The following FNDC3A variants were observed in gnomAD, a reference collection of about 807,000 sequenced individuals.
The protein encoded by FNDC3A is fibronectin type III domain containing 3A.
Under a neutral mutation model 148.9 loss-of-function variants are expected in FNDC3A, and 32 were observed. The observed-to-expected ratio is 0.21, with a 90% CI of 0.16 to 0.29. The LOEUF is 0.29. Ranked by LOEUF, FNDC3A falls within the 10% of genes least tolerant of loss-of-function variation. FNDC3A has a pLI of 1.00. For missense variants in FNDC3A, 1,191 were observed against 1,452.8 expected (o/e 0.82, Z 2.93); for synonymous variants, 472 against 473.6 (o/e 1.00, Z 0.04).
intron 2 of FNDC3A, among the ~76,000 whole-genome samples, chr13:49,023,826 T>C (rs909116574): frequency 1.3e-5 from 2 of 151,932 alleles, no homozygotes; most frequent in African/African-American, 4.8e-5. Flanking sequence ...TAGATTAATA[T>C]AAAGCAAGAT....
At chr13:49,143,820 C>T (rs1475909284) in intron 7 of FNDC3A, among the ~76,000 whole-genome samples, 1 of 151,980 alleles carries the variant, frequency 6.6e-6, no homozygotes, top group Non-Finnish European at 1.5e-5. Flanking sequence ...TGTCTGTACT[C>T]CCCACAGATC....
At chr13:49,077,355 GA>G (rs1175123624) in intron 3 of FNDC3A, among the ~76,000 whole-genome samples, 1 of 152,214 alleles carries the variant, frequency 6.6e-6, no homozygotes, top group Non-Finnish European at 1.5e-5. Flanking sequence ...TACAGTGAAA[GA>G]ACTCTAACAC....
intron 2 of FNDC3A, chr13:49,045,070 C>A: frequency 5.1e-6 from 1 of 195,736 alleles, no homozygotes; most frequent in Non-Finnish European, 1.1e-5. Context: ...CTTTTCCTTT[C>A]CCTTTCCCTT....
intron 3 of FNDC3A, among the ~76,000 whole-genome samples, chr13:49,088,851 G>A (rs1878991786): frequency 1.3e-5 from 2 of 152,150 alleles, no homozygotes; most frequent in South Asian, 2.1e-4. Context: ...CAGGCATGAG[G>A]CACTGCACAC....
At chr13:49,016,327 C>T (rs1872774720) in intron 2 of FNDC3A, among the ~76,000 whole-genome samples, 1 of 151,970 alleles carries the variant, frequency 6.6e-6, no homozygotes, top group Non-Finnish European at 1.5e-5. Context: ...CTGGTTTAGT[C>T]TTGGGAGAGT....
At chr13:49,051,729 C>T (rs1252705986) in intron 2 of FNDC3A, among the ~76,000 whole-genome samples, 1 of 152,198 alleles carries the variant, frequency 6.6e-6, no homozygotes, top group Non-Finnish European at 1.5e-5. Context: ...TCTAGCAAGG[C>T]TGGAGAAGTT....
chr13:49,095,814 G>A (rs1471813578), intron 3 of FNDC3A, among the ~76,000 whole-genome samples: 1 of 152,032 alleles, frequency 6.6e-6, no homozygotes, highest in Non-Finnish European at 1.5e-5. Context: ...ATGAGGCTAG[G>A]ATGTCCAGAG....
intron 1 of FNDC3A, among the ~76,000 whole-genome samples, chr13:48,997,456 A>C (rs1330116835): frequency 1.3e-5 from 2 of 152,216 alleles, no homozygotes; most frequent in Admixed American, 6.5e-5. Context: ...CTCAAAATTC[A>C]TACATTGAGC....
chr13:49,001,985 G>C (rs1952134092), intron 1 of FNDC3A, among the ~76,000 whole-genome samples: 1 of 152,110 alleles, frequency 6.6e-6, no homozygotes, highest in African/African-American at 2.4e-5. Flanking sequence ...TGGTTTTGCG[G>C]CTTGGGGGCA....
At chr13:49,108,418 C>T (rs896107205) in intron 3 of FNDC3A, among the ~76,000 whole-genome samples, 1 of 152,102 alleles carries the variant, frequency 6.6e-6, no homozygotes, top group Non-Finnish European at 1.5e-5. Flanking sequence ...TATCTGCAGA[C>T]TACCAACACT....
chr13:49,107,792 T>C (rs1880293846), intron 3 of FNDC3A, among the ~76,000 whole-genome samples: 1 of 152,200 alleles, frequency 6.6e-6, no homozygotes, highest in African/African-American at 2.4e-5. Flanking sequence ...GAAAGATTCA[T>C]GAAAGGATTC....
intron 2 of FNDC3A, among the ~76,000 whole-genome samples, chr13:49,066,392 AC>A (rs1250258624): frequency 6.6e-6 from 1 of 152,148 alleles, no homozygotes; most frequent in Non-Finnish European, 1.5e-5. Flanking sequence ...TTGCTAGATA[AC>A]CTAAAGAGTA....
chr13:48,981,480 C>A (rs919834159), intron 1 of FNDC3A, among the ~76,000 whole-genome samples: 2 of 142,854 alleles, frequency 1.4e-5, no homozygotes, highest in African/African-American at 5.1e-5. Context: ...GCAATGCAGC[C>A]TTTTTTTTTT....
intron 3 of FNDC3A, among the ~76,000 whole-genome samples, chr13:49,101,833 A>C (rs940537411): frequency 6.8e-6 from 1 of 147,438 alleles, no homozygotes; most frequent in Non-Finnish European, 1.5e-5. Flanking sequence ...AATCATTGGA[A>C]TCATGTTGTA....
chr13:49,197,764 C>A lies in FNDC3A; in HGVS notation c.2380C>A (p.Leu794Met). 6.2e-7 allele frequency: 1 copy of A among 1,611,258 alleles called. No homozygotes were observed. Among genetic ancestry groups the A allele is most frequent in the Non-Finnish European group, 8.5e-7 (1 of 1,179,304 alleles). ...TGGAACAGATGTCACTGAATATCGA[C>A]TGGAGTGGGGAGGAGTTGAAGGAAG... ...SNGTDVTEYR[L>M]EWGGVEGSMQ... is the part of the protein sequence containing the mutation. Residue 794 changes from leucine to methionine, a missense_variant, in exon 21 of 26, where the codon CTG becomes ATG. Transcript: ENST00000492622.
At chr13:49,200,883 G>C (rs942696667) in intron 23 of FNDC3A, among the ~76,000 whole-genome samples, 1 of 151,242 alleles carries the variant, frequency 6.6e-6, no homozygotes, top group Non-Finnish European at 1.5e-5. Context: ...TGATACTTTA[G>C]TTGTTCCCTG....
At chr13:49,144,324 TA>T (rs1882870936) in intron 7 of FNDC3A, among the ~76,000 whole-genome samples, 1 of 152,176 alleles carries the variant, frequency 6.6e-6, no homozygotes, top group South Asian at 2.1e-4. Context: ...TTAGAGTGAA[TA>T]CAGTATTACA....
intron 1 of FNDC3A, among the ~76,000 whole-genome samples, chr13:48,990,323 A>G (rs2137564661): frequency 6.6e-6 from 1 of 152,206 alleles, no homozygotes; most frequent in African/African-American, 2.4e-5. Context: ...AGCAGAAGGA[A>G]AATTAAACCA....
intron 4 of FNDC3A, among the ~76,000 whole-genome samples, chr13:49,118,859 G>A (rs1881141522): frequency 1.3e-5 from 2 of 152,188 alleles, no homozygotes. Context: ...CCCCAGTCAG[G>A]GGCTTATAGA....
Sources: gnomAD v4.1 joint callset for allele counts (sites outside exome capture counted in the v4.1 genomes callset) on GRCh38, gnomAD v4.1.1 for gene constraint, MANE v1.5 for transcripts, NCBI Gene and HGNC (gene_info 2026-07-23, HGNC 2026-07-21) for gene names.